The following SRFBP1 variants were observed in gnomAD, a reference collection of about 807,000 sequenced individuals.
SRFBP1 encodes the protein serum response factor binding protein 1.
SRFBP1 carries 47 observed loss-of-function variants against 45.5 expected under a neutral mutation model. That is an observed-to-expected ratio of 1.03 (90% CI 0.82 to 1.32). The LOEUF (loss-of-function observed/expected upper bound fraction) is 1.32, where lower values mean the gene tolerates loss of function less well. Ranked by LOEUF, SRFBP1 falls within the 40% of genes most tolerant of loss-of-function variation. The pLI is 0.00. For missense variants in SRFBP1, 621 were observed against 484.6 expected, an observed-to-expected ratio of 1.28 and a Z score of -2.64; for synonymous variants, 203 against 166.3, an observed-to-expected ratio of 1.22 and a Z score of -1.70.
intron 4 of SRFBP1, among the ~76,000 whole-genome samples, chr5:121,999,504 G>GT (rs552212667): frequency 3.3e-4 from 49 of 149,948 alleles, no homozygotes; most frequent in Non-Finnish European, 4.3e-4. Context: ...TATTTTTACT[G>GT]TTTTTTTTTC....
At chr5:122,067,225 T>C (rs774484967) in intron 2 of SRFBP1, among the ~76,000 whole-genome samples, 6 of 152,176 alleles carry the variant, frequency 3.9e-5, no homozygotes, top group Admixed American at 6.5e-5. Context: ...AATGTGACCA[T>C]AGATCTTCAT....
intron 2 of SRFBP1, among the ~76,000 whole-genome samples, chr5:122,073,553 T>G (rs912036551): frequency 5.3e-4 from 80 of 152,306 alleles, no homozygotes; most frequent in African/African-American, 1.8e-3. Flanking sequence ...AAAACAGAGA[T>G]ATCTTTTTTT....
At chr5:122,038,731 T>C (rs1699594822) in intron 2 of SRFBP1, among the ~76,000 whole-genome samples, 1 of 152,214 alleles carries the variant, frequency 6.6e-6, no homozygotes, top group South Asian at 2.1e-4. Context: ...CTTTAAGAGA[T>C]GCTACCAATG....
At chr5:122,076,560 T>C (rs910749608), downstream of SRFBP1, among the ~76,000 whole-genome samples, 4 of 152,172 alleles carry the variant, frequency 2.6e-5, no homozygotes, top group South Asian at 2.1e-4. Context: ...ATTTTTTGAA[T>C]TACTGTATAG....
At chr5:121,980,355 C>A (rs1389575042) in intron 3 of SRFBP1, among the ~76,000 whole-genome samples, 2 of 152,078 alleles carry the variant, frequency 1.3e-5, no homozygotes, top group Non-Finnish European at 2.9e-5. Context: ...TGCCAGATTT[C>A]TCCATTGTAA....
chr5:122,033,169 T>C (rs1753618205), downstream of SRFBP1, among the ~76,000 whole-genome samples: 1 of 152,072 alleles, frequency 6.6e-6, no homozygotes, highest in African/African-American at 2.4e-5. Context: ...GGTGAGGGTT[T>C]TTTTTTCCTT....
At chr5:122,073,923 C>T (rs1343021193) in intron 2 of SRFBP1, 6 of 1,214,694 alleles carry the variant, frequency 4.9e-6, no homozygotes, top group East Asian at 2.4e-5. Context: ...TGTGTGTGCT[C>T]TTCATGAAAT....
intron 3 of SRFBP1, among the ~76,000 whole-genome samples, chr5:121,992,685 G>T (rs1752642582): frequency 6.6e-6 from 1 of 152,056 alleles, no homozygotes; most frequent in Non-Finnish European, 1.5e-5. Flanking sequence ...CTTTGTGTTT[G>T]CGTATCATAC....
chr5:122,017,185 C>T (rs571926885), intron 4 of SRFBP1, among the ~76,000 whole-genome samples: 3 of 152,236 alleles, frequency 2.0e-5, no homozygotes, highest in Admixed American at 1.3e-4. Context: ...GCCAAGATCA[C>T]GCTACTGCAA....
At chr5:122,030,309 C>G (rs774305340), downstream of SRFBP1, among the ~76,000 whole-genome samples, 1 of 152,184 alleles carries the variant, frequency 6.6e-6, no homozygotes. Context: ...GAACAGGGAT[C>G]TTTGTGAAAC....
At chr5:122,023,647 G>A (rs142996969) in intron 7 of SRFBP1, among the ~76,000 whole-genome samples, 11 of 152,210 alleles carry the variant, frequency 7.2e-5, no homozygotes, top group South Asian at 2.1e-4. Context: ...TCTTTGTTTC[G>A]TGGCCACATC....
At chr5:121,963,629 G>C (rs185918890) in intron 1 of SRFBP1, among the ~76,000 whole-genome samples, 1 of 152,168 alleles carries the variant, frequency 6.6e-6, no homozygotes, top group East Asian at 1.9e-4. Flanking sequence ...TGTTCTTTGT[G>C]CACCCAGATT....
chr5:122,076,586 T>C (rs977430670), downstream of SRFBP1, among the ~76,000 whole-genome samples: 1 of 152,212 alleles, frequency 6.6e-6, no homozygotes, highest in Non-Finnish European at 1.5e-5. Flanking sequence ...TTATGAAAAG[T>C]GATTGGAACA....
intron 6 of SRFBP1, among the ~76,000 whole-genome samples, chr5:122,021,546 C>T (rs1024272396): frequency 3.9e-5 from 6 of 151,938 alleles, no homozygotes; most frequent in African/African-American, 7.3e-5. Flanking sequence ...GACATAAAAA[C>T]GTGTGGAGTG....
chr5:121,999,592 A>G (rs1447297094), intron 4 of SRFBP1, among the ~76,000 whole-genome samples: 1 of 151,842 alleles, frequency 6.6e-6, no homozygotes, highest in African/African-American at 2.4e-5. Flanking sequence ...CAGCTTTGTC[A>G]CTTTTTGCCA....
rs1484270619 is a variant in SRFBP1, at chr5:122,005,664, T to C, written c.270+10994T>C. Among the ~76,000 whole-genome samples, 4 of 152,294 alleles carry C rather than the reference T, an allele frequency of 2.6e-5. No homozygotes were observed. In the East Asian group the frequency reaches 7.7e-4, roughly 29 times the overall value. On this transcript the variant is annotated intron_variant, in intron 4 of 7. Transcript: ENST00000339397. ...TATTGACATTCAAGGTAATTATTTC[T>C]GCATATGGACTTACTACTGCCATTT...
At chr5:122,004,174 T>A (rs1752934365) in intron 4 of SRFBP1, among the ~76,000 whole-genome samples, 1 of 152,150 alleles carries the variant, frequency 6.6e-6, no homozygotes, top group South Asian at 2.1e-4. Context: ...GTTTCTTGGG[T>A]TCCTTTAATA....
rs375613348 is a variant in SRFBP1 at position 122,050,005 on chromosome 5, G to A, written n.312-25310G>A. On this transcript the variant is annotated intron_variant and non_coding_transcript_variant, in intron 2 of 2. Transcript: ENST00000504881. Reference sequence around the variant, plus strand: ...TTTCTGCATCTATTTAGATAATCACGTGGTTATTATTTGTAGTTCTGCTTA... The same window carrying A: ...TTTCTGCATCTATTTAGATAATCACATGGTTATTATTTGTAGTTCTGCTTA... Among the ~76,000 whole-genome samples the A allele has an allele frequency of 3.9e-5, 6 of 152,094 alleles. No individual in the cohort carries two copies. In the East Asian group the frequency reaches 7.8e-4, roughly 20 times the overall value.
At position 122,027,340 on chromosome 5, in the gene SRFBP1, G is replaced by C. The variant is rs1226805254; in HGVS notation, c.*214G>C. ...ACCATGCCCAGCTTTCTCACCCCAG[G>C]CTCTGCAGCTATTACTTAAACTCGT... On this transcript the variant is annotated 3_prime_UTR_variant, in exon 8 of 8. Coordinates refer to ENST00000339397, the MANE Select transcript of SRFBP1 (RefSeq NM_152546.3). 5.8e-6 allele frequency: 2 copies of C among 344,094 alleles called. No individual in the cohort carries two copies. Among genetic ancestry groups the C allele is most frequent in the Non-Finnish European group, 5.2e-6 (1 of 190,742 alleles). 21.3% of individuals were successfully genotyped at this position (344,094 alleles called of 1,614,324 possible).
Sources: allele counts gnomAD v4.1 joint callset (sites outside exome capture counted in the v4.1 genomes callset), GRCh38; gene constraint gnomAD v4.1.1; transcripts MANE v1.5; gene names NCBI Gene and HGNC (gene_info 2026-07-23, HGNC 2026-07-21).